The following GRK3 variants were observed in gnomAD, a reference collection of about 807,000 sequenced individuals.
GRK3 encodes adrenergic, beta, receptor kinase 2.
GRK3 carries 54 observed loss-of-function variants against 95.7 expected under a neutral mutation model. The observed-to-expected ratio is 0.56, with a 90% CI of 0.45 to 0.71. The LOEUF is 0.71. Among genes scored for constraint, GRK3 ranks in the 30% least tolerant of loss-of-function variants. GRK3 has a pLI of 0.00. For missense variants in GRK3, 649 were observed against 851.2 expected, an observed-to-expected ratio of 0.76 and a Z score of 2.96; for synonymous variants, 281 against 290.8, an observed-to-expected ratio of 0.97 and a Z score of 0.34.
At chr22:25,703,148 T>C (rs2146454528) in intron 13 of GRK3, among the ~76,000 whole-genome samples, 2 of 152,356 alleles carry the variant, frequency 1.3e-5, no homozygotes, top group African/African-American at 2.4e-5. Flanking sequence ...ATGAAAGTTA[T>C]TGTTTAGCTC....
At position 25,710,092 on chromosome 22, in the gene GRK3, C is replaced by T; in HGVS notation, c.1395+128C>T. ...TCCTGGCTGTGTCTCCCCAGCATCC[C>T]CACCACCCACCTCCCCCAGCATCCT... On this transcript the variant is annotated intron_variant, in intron 16 of 20. Transcript: ENST00000324198. 1.1e-5 allele frequency: 8 copies of T among 727,392 alleles called. No homozygotes were observed. In the South Asian group the frequency reaches 1.3e-4, roughly 11 times the overall value. 45.1% of individuals were successfully genotyped at this position (727,392 alleles called of 1,614,324 possible). A position where few individuals can be genotyped will look rare whatever the true frequency, so the allele number is the denominator to read the frequency against.
At chr22:25,654,858 T>C (rs1267282275) in intron 3 of GRK3, among the ~76,000 whole-genome samples, 3 of 152,150 alleles carry the variant, frequency 2.0e-5, no homozygotes. Context: ...CCAGCTCTTC[T>C]CACCTCTCTT....
At chr22:25,707,927 G>A (rs2085312624) in intron 15 of GRK3, among the ~76,000 whole-genome samples, 1 of 152,084 alleles carries the variant, frequency 6.6e-6, no homozygotes, top group Admixed American at 6.6e-5. Flanking sequence ...ACAAATGCCA[G>A]TAGCATCCTG....
At chr22:25,704,335 A>G in intron 15 of GRK3, 126 bp downstream of exon 15, 1 of 646,796 alleles carries the variant, frequency 1.5e-6, no homozygotes, top group South Asian at 2.0e-5. Flanking sequence ...GGGGAAAAAA[A>G]TAAATCACAT....
chr22:25,646,859 A>G (rs2084786496), intron 3 of GRK3, among the ~76,000 whole-genome samples: 1 of 151,918 alleles, frequency 6.6e-6, no homozygotes, highest in South Asian at 2.1e-4. Context: ...TGTCTCTACT[A>G]AAAATACAAA....
At chr22:25,572,560 G>A (rs1931741798) in intron 1 of GRK3, among the ~76,000 whole-genome samples, 1 of 152,084 alleles carries the variant, frequency 6.6e-6, no homozygotes, top group African/African-American at 2.4e-5. Context: ...GGCGTGAGAT[G>A]GTATCTCATC....
At chr22:25,567,692 A>G (rs760177263) in intron 1 of GRK3, among the ~76,000 whole-genome samples, 1 of 152,258 alleles carries the variant, frequency 6.6e-6, no homozygotes, top group Non-Finnish European at 1.5e-5. Context: ...TGAGAAGCAT[A>G]CATTTTAATT....
At chr22:25,687,766 T>G in intron 11 of GRK3, 99 bp downstream of exon 11, 1 of 1,371,350 alleles carries the variant, frequency 7.3e-7, no homozygotes, top group Non-Finnish European at 1.0e-6. Context: ...ATTTTCCTCA[T>G]AGCCCTCATC....
rs2085441930 is a variant in GRK3 at position 25,722,566 on chromosome 22, A to G, written c.*116A>G. 2.7e-6 allele frequency: 3 copies of G among 1,123,118 alleles called. No individual in the cohort carries two copies. Among genetic ancestry groups the G allele is most frequent in the Non-Finnish European group, 3.8e-6 (3 of 793,694 alleles). 69.6% of individuals were successfully genotyped at this position (1,123,118 alleles called of 1,614,324 possible). ...ACCGGGACTCCTCCAGGCTCCCGAG[A>G]GGAGTCGGGACCCTTCGGCTTGGGG... is the stretch of plus-strand genomic sequence containing the variant. On this transcript the variant is annotated 3_prime_UTR_variant, in exon 21 of 21. Coordinates refer to ENST00000324198, the MANE Select transcript of GRK3 (RefSeq NM_005160.4).
At chr22:25,615,630 C>A (rs1181814313) in intron 2 of GRK3, among the ~76,000 whole-genome samples, 28 of 146,368 alleles carry the variant, frequency 1.9e-4, no homozygotes, top group African/African-American at 7.2e-4. Context: ...TGTGCCATAC[C>A]TTTCTCCTAA....
intron 2 of GRK3, among the ~76,000 whole-genome samples, chr22:25,625,697 C>T (rs900615076): frequency 2.0e-5 from 3 of 152,220 alleles, no homozygotes; most frequent in African/African-American, 4.8e-5. Context: ...GGTCATGCTC[C>T]TAGTCTGCCT....
intron 1 of GRK3, among the ~76,000 whole-genome samples, chr22:25,591,450 C>A (rs1278650069): frequency 6.6e-6 from 1 of 152,072 alleles, no homozygotes; most frequent in African/African-American, 2.4e-5. Context: ...CCCAGCCTCC[C>A]TGAGGTCAGG....
intron 14 of GRK3, among the ~76,000 whole-genome samples, chr22:25,703,787 G>A (rs1451026795): frequency 1.3e-5 from 2 of 152,072 alleles, no homozygotes; most frequent in African/African-American, 2.4e-5. Flanking sequence ...AGATGCCAAG[G>A]CAAAAATCAG....
At chr22:25,657,388 T>C (rs536866032) in intron 3 of GRK3, among the ~76,000 whole-genome samples, 1 of 152,312 alleles carries the variant, frequency 6.6e-6, no homozygotes, top group East Asian at 1.9e-4. Context: ...ACAGAAACAT[T>C]TTTGATTGTT....
chr22:25,615,230 G>A (rs1424758794), intron 2 of GRK3, among the ~76,000 whole-genome samples: 1 of 152,130 alleles, frequency 6.6e-6, no homozygotes. Flanking sequence ...AAAATTATAT[G>A]CTCTGTCAAT....
At chr22:25,646,671 A>G (rs778588277) in intron 3 of GRK3, among the ~76,000 whole-genome samples, 27 of 152,202 alleles carry the variant, frequency 1.8e-4, no homozygotes, top group Non-Finnish European at 3.1e-4. Flanking sequence ...GGAAGACACA[A>G]TACTTTTAAA....
At chr22:25,633,301 T>C (rs1347996158) in intron 2 of GRK3, among the ~76,000 whole-genome samples, 2 of 152,194 alleles carry the variant, frequency 1.3e-5, no homozygotes, top group African/African-American at 4.8e-5. Flanking sequence ...ATTTTTAATA[T>C]AAATTTTAGA....
At chr22:25,694,756 C>T (rs1324304720) in intron 12 of GRK3, among the ~76,000 whole-genome samples, 2 of 152,200 alleles carry the variant, frequency 1.3e-5, no homozygotes, top group African/African-American at 4.8e-5. Flanking sequence ...TCACTCCTCC[C>T]TTTCCCTGCC....
intron 3 of GRK3, among the ~76,000 whole-genome samples, chr22:25,655,377 T>C (rs1408392501): frequency 1.3e-5 from 2 of 152,202 alleles, no homozygotes; most frequent in Non-Finnish European, 2.9e-5. Flanking sequence ...CTTTACTGTG[T>C]CCTTTCCCCA....
Sources: allele counts gnomAD v4.1 joint callset (sites outside exome capture counted in the v4.1 genomes callset), GRCh38; gene constraint gnomAD v4.1.1; transcripts MANE v1.5; gene names NCBI Gene and HGNC (gene_info 2026-07-23, HGNC 2026-07-21).